The following ARL5A variants were observed in gnomAD, a reference collection of about 807,000 sequenced individuals.
ARL5A encodes the protein ARF like GTPase 5A.
In ARL5A, 18 loss-of-function variants were observed where a neutral mutation model predicts 25.9. The observed-to-expected ratio is 0.69, with a 90% CI of 0.48 to 1.03. The LOEUF is 1.03. ARL5A is among the 50% of genes least tolerant of loss of function. The pLI is 0.00. For missense variants in ARL5A, 170 were observed against 211.9 expected, an observed-to-expected ratio of 0.80 and a Z score of 1.23; for synonymous variants, 61 against 67.5, an observed-to-expected ratio of 0.90 and a Z score of 0.47.
intron 1 of ARL5A, among the ~76,000 whole-genome samples, chr2:151,825,555 G>A (rs910008525): frequency 9.2e-5 from 14 of 152,286 alleles, no homozygotes; most frequent in Admixed American, 3.3e-4. Context: ...TCAACTAAAT[G>A]TGACCTCTGG....
intron 1 of ARL5A, among the ~76,000 whole-genome samples, chr2:151,822,955 C>T (rs1271944760): frequency 6.6e-6 from 1 of 152,128 alleles, no homozygotes; most frequent in Non-Finnish European, 1.5e-5. Flanking sequence ...ATATATATTC[C>T]CCCAACTCAT....
At chr2:151,804,991 G>C (rs2099829900) in intron 5 of ARL5A, among the ~76,000 whole-genome samples, 1 of 152,054 alleles carries the variant, frequency 6.6e-6, no homozygotes, top group South Asian at 2.1e-4. Context: ...AAATGAAATT[G>C]AGTTAATATC....
At chr2:151,817,626 G>C (rs946201540) in intron 1 of ARL5A, among the ~76,000 whole-genome samples, 17 of 152,174 alleles carry the variant, frequency 1.1e-4, no homozygotes, top group Non-Finnish European at 2.2e-4. Flanking sequence ...TTGTAAGAAA[G>C]AGCAGGCAGC....
Position 151,801,347 on chromosome 2 carries a change from A to G in ARL5A, c.*1929T>C, listed in dbSNP as rs1283837747. 6.6e-6 allele frequency: 1 copy of G among 152,158 alleles called. No homozygotes were observed. The highest frequency in any genetic ancestry group is 2.4e-5 in the African/African-American group (1 of 41,452). 9.4% of individuals were successfully genotyped at this position (152,158 alleles called of 1,614,324 possible). A position where few individuals can be genotyped will look rare whatever the true frequency, so the allele number is the denominator to read the frequency against. ...GATGTGGCAGTAATCCAAGGGACTA[A>G]GCACATGATTATTCAAATTAAAACA... On this transcript the variant is annotated 3_prime_UTR_variant, in exon 6 of 6. Transcript: ENST00000295087.
At chr2:151,816,147 A>G (rs145959827) in intron 1 of ARL5A, among the ~76,000 whole-genome samples, 2 of 152,302 alleles carry the variant, frequency 1.3e-5, no homozygotes, top group African/African-American at 4.8e-5. Flanking sequence ...TGTCTTGGAC[A>G]AGTCCTCCTA....
At chr2:151,807,910 C>T (rs983772917) in intron 4 of ARL5A, among the ~76,000 whole-genome samples, 4 of 152,156 alleles carry the variant, frequency 2.6e-5, no homozygotes, top group African/African-American at 9.7e-5. Flanking sequence ...ATTGTGCACA[C>T]TCCAAATAAC....
intron 2 of ARL5A, 151 bp from the exon 3 acceptor site, chr2:151,814,467 A>G: frequency 1.6e-6 from 1 of 616,688 alleles, no homozygotes; most frequent in Non-Finnish European, 2.7e-6. Flanking sequence ...GTGAGGGTTT[A>G]AACAGGGCTG....
intron 3 of ARL5A, among the ~76,000 whole-genome samples, chr2:151,813,335 TA>T (rs2099831096): frequency 6.6e-6 from 1 of 152,226 alleles, no homozygotes; most frequent in African/African-American, 2.4e-5. Flanking sequence ...AGCTTACTGA[TA>T]GGTGGCTTTA....
At chr2:151,811,659 C>T (rs1049135619) in intron 4 of ARL5A, among the ~76,000 whole-genome samples, 1 of 152,142 alleles carries the variant, frequency 6.6e-6, no homozygotes, top group Non-Finnish European at 1.5e-5. Flanking sequence ...GTAGCCTTGA[C>T]CTCCTGGGCT....
rs558524196 is a variant in ARL5A, at chr2:151,828,197, C to CT, written c.-22_-21insA. On this transcript the variant is annotated 5_prime_UTR_variant, in exon 1 of 6. Transcript: ENST00000295087. ...CCCATTCTCGGGCAGCGGACCCCCC[C>CT]CCTCCAGACACCCGGGCCGCCTGGC... is the stretch of plus-strand genomic sequence containing the variant. 6.0e-5 allele frequency: 97 copies of CT among 1,605,352 alleles called. 1 individual carries two copies. Among genetic ancestry groups the CT allele is most frequent in the Middle Eastern group, 3.3e-4 (2 of 6,052 alleles).
At chr2:151,806,639 T>C (rs1226936954) in intron 5 of ARL5A, among the ~76,000 whole-genome samples, 182 bp downstream of exon 5, 1 of 152,200 alleles carries the variant, frequency 6.6e-6, no homozygotes, top group African/African-American at 2.4e-5. Flanking sequence ...TATGTTTATA[T>C]TGTTTTACTA....
chr2:151,812,736 T>G (rs113804293), intron 3 of ARL5A, among the ~76,000 whole-genome samples: 1 of 152,158 alleles, frequency 6.6e-6, no homozygotes, highest in Non-Finnish European at 1.5e-5. Context: ...TCTATCTATT[T>G]GCACTACAAA....
chr2:151,821,771 C>CTTTTTTT (rs2099832347), intron 1 of ARL5A, among the ~76,000 whole-genome samples: 1 of 134,726 alleles, frequency 7.4e-6, no homozygotes, highest in African/African-American at 2.9e-5. Flanking sequence ...CCATGCCCGG[C>CTTTTTTT]TTTCTTTTTT....
chr2:151,824,576 T>C (rs985378969), intron 1 of ARL5A, among the ~76,000 whole-genome samples: 1 of 152,212 alleles, frequency 6.6e-6, no homozygotes, highest in Non-Finnish European at 1.5e-5. Context: ...CAGCTTCTCC[T>C]GCACCCATTC....
rs116946019 is a variant in ARL5A, at chr2:151,824,503, T to C, written c.46+3628A>G. Among the ~76,000 whole-genome samples, 407 of 152,046 alleles carry C rather than the reference T, an allele frequency of 2.7e-3. 14 individuals are homozygous for C. The East Asian group carries it at 0.061, about 23-fold the overall frequency. On this transcript the variant is annotated intron_variant, in intron 1 of 5. Coordinates refer to ENST00000295087, the MANE Select transcript of ARL5A (RefSeq NM_012097.4). ...CTAATAATAATAATAATAATAATAA[T>C]AACAACAATAATAAGCCAGAAACAG...
chr2:151,819,484 G>T (rs1006548546), intron 1 of ARL5A, among the ~76,000 whole-genome samples: 1 of 152,106 alleles, frequency 6.6e-6, no homozygotes, highest in African/African-American at 2.4e-5. Context: ...AGTGAAATAT[G>T]AAGAATTATT....
At position 151,812,415 on chromosome 2, in the gene ARL5A, G is replaced by C. The variant is rs773494531; in HGVS notation, c.281C>G (p.Thr94Arg). Residue 94 changes from threonine (T) to arginine (R), a missense_variant, in exon 4 of 6, where the codon ACA (threonine) becomes AGA (arginine). Transcript: ENST00000295087. ...AGTTACAGAAATCCTCTCTCTGTCT[G>C]TACTGTCCACAACAACTATTACAAA... Reference protein sequence around the residue: ...TEFVIVVVDSTDRERISVTRE... With the variant: ...TEFVIVVVDSRDRERISVTRE... The C allele has an allele frequency of 1.2e-6, 2 of 1,601,724 alleles. No individual in the cohort carries two copies.
chr2:151,818,605 C>G (rs971873912), intron 1 of ARL5A, among the ~76,000 whole-genome samples: 1 of 152,186 alleles, frequency 6.6e-6, no homozygotes, highest in Non-Finnish European at 1.5e-5. Flanking sequence ...AAGGCCATGC[C>G]TGCATGAGGG....
chr2:151,805,069 T>C (rs1578370807), intron 5 of ARL5A, among the ~76,000 whole-genome samples: 1 of 152,198 alleles, frequency 6.6e-6, no homozygotes, highest in East Asian at 1.9e-4. Flanking sequence ...CAATCCTAGA[T>C]GACGTGTCTT....
Sources: gnomAD v4.1 joint callset for allele counts (sites outside exome capture counted in the v4.1 genomes callset) on GRCh38, gnomAD v4.1.1 for gene constraint, MANE v1.5 for transcripts, NCBI Gene and HGNC (gene_info 2026-07-23, HGNC 2026-07-21) for gene names.